USP15: variants seen among roughly 807,000 people sequenced by gnomAD.
USP15 encodes ubiquitin carboxyl-terminal hydrolase 15.
Under a neutral mutation model 127.1 loss-of-function variants are expected in USP15, and 18 were observed. The ratio of observed to expected loss-of-function variants is 0.14; its 90% CI spans 0.10 to 0.21. USP15 has a LOEUF of 0.21. Among genes scored for constraint, USP15 ranks in the 10% least tolerant of loss-of-function variants. The pLI is 1.00. For synonymous variants in USP15, 364 were observed against 393.7 expected, an observed-to-expected ratio of 0.92 and a Z score of 0.89; for missense variants, 805 against 1,159.9, an observed-to-expected ratio of 0.69 and a Z score of 4.44.
At position 62,292,940 on chromosome 12, in the gene USP15, G is replaced by GT. The variant is rs141013402; in HGVS notation, c.90-1238dup. 2.4e-3 allele frequency among the ~76,000 whole-genome samples: 366 copies of GT among 152,306 alleles called. 2 individuals carry two copies. The highest frequency in any genetic ancestry group is 8.5e-3 in the African/African-American group (354 of 41,560). ...GAATGTCAGCAAGAGCTCCCAGGATGTGGAAGCACAAGGGCTGAGGTTCCC... is the reference window on the plus strand; with the variant it reads ...GAATGTCAGCAAGAGCTCCCAGGATGTTGGAAGCACAAGGGCTGAGGTTCCC... On this transcript the variant is annotated intron_variant, in intron 1 of 21. Coordinates refer to ENST00000280377, the MANE Select transcript of USP15 (RefSeq NM_001252078.2).
intron 19 of USP15, 96 bp from the exon 20 acceptor site, chr12:62,396,197 GAT>G: frequency 4.2e-6 from 3 of 712,230 alleles, no homozygotes; most frequent in Non-Finnish European, 4.4e-6. Flanking sequence ...GATAGATATA[GAT>G]ATATATATGT....
rs1172572813 is a variant in USP15, at chr12:62,410,565, ACAT to A, written c.*6194_*6196del. On this transcript the variant is annotated 3_prime_UTR_variant, in exon 22 of 22. Transcript: ENST00000280377. ...GTAATACTGCAAATTCAAACAGTAAACATCATTAATCCTAGATATTTGGGTACT... is the reference window on the plus strand; with the variant it reads ...GTAATACTGCAAATTCAAACAGTAAACATTAATCCTAGATATTTGGGTACT... The A allele has an allele frequency of 6.6e-6, 1 of 152,146 alleles. No individual in the cohort carries two copies. The highest frequency in any genetic ancestry group is 1.5e-5 in the Non-Finnish European group (1 of 68,028). 9.4% of individuals were successfully genotyped at this position (152,146 alleles called of 1,614,324 possible).
chr12:62,262,578 G>GT (rs1565795386), intron 1 of USP15, among the ~76,000 whole-genome samples: 1 of 152,064 alleles, frequency 6.6e-6, no homozygotes, highest in African/African-American at 2.4e-5. Flanking sequence ...CATTGTGGGC[G>GT]TTTAACTTTA....
chr12:62,279,765 TATA>T (rs1377440170), intron 1 of USP15, among the ~76,000 whole-genome samples: 2 of 152,308 alleles, frequency 1.3e-5, no homozygotes, highest in African/African-American at 2.4e-5. Context: ...CGACTGCATG[TATA>T]ATAAGATAGA....
intron 2 of USP15, chr12:62,294,612 T>C (rs901256930): frequency 2.7e-5 from 5 of 183,914 alleles, no homozygotes; most frequent in Non-Finnish European, 5.6e-5. Flanking sequence ...AATGATTATT[T>C]ATTACTAAAT....
At chr12:62,286,255 A>C (rs968176739) in intron 1 of USP15, among the ~76,000 whole-genome samples, 1 of 152,160 alleles carries the variant, frequency 6.6e-6, no homozygotes, top group East Asian at 1.9e-4. Context: ...ACACATACAG[A>C]CAGCCAGCAA....
Position 62,355,567 on chromosome 12 carries a change from A to AT in USP15, c.915+93dup, listed in dbSNP as rs556145154. The stretch of plus-strand genomic sequence containing the variant: ...GGGTTTTTCATGCCAGAACATGAGT[A>AT]TATGTTTTGAAAGTTCATTTTTCAT... On this transcript the variant is annotated intron_variant, in intron 8 of 21. Coordinates refer to ENST00000280377, the MANE Select transcript of USP15 (RefSeq NM_001252078.2). The AT allele has an allele frequency of 1.0e-4, 142 of 1,367,348 alleles. 1 individual carries two copies. The highest frequency in any genetic ancestry group is 5.9e-5 in the Non-Finnish European group (60 of 1,020,124). 84.7% of individuals were successfully genotyped at this position (1,367,348 alleles called of 1,614,324 possible). A position where few individuals can be genotyped will look rare whatever the true frequency, so the allele number is the denominator to read the frequency against.
At chr12:62,335,827 G>C in intron 6 of USP15, 6 of 985,240 alleles carry the variant, frequency 6.1e-6, no homozygotes, top group Non-Finnish European at 7.2e-6. Flanking sequence ...TATTTGACCT[G>C]TCTTTAGTAT....
At chr12:62,276,058 A>C (rs1285020485) in intron 1 of USP15, among the ~76,000 whole-genome samples, 1 of 152,144 alleles carries the variant, frequency 6.6e-6, no homozygotes, top group Non-Finnish European at 1.5e-5. Context: ...TAACATTATG[A>C]TAAAAATAAT....
At chr12:62,390,796 A>G (rs573741791) in intron 14 of USP15, 68 bp from the exon 15 acceptor site, 225 of 1,167,328 alleles carry the variant, frequency 1.9e-4, no homozygotes, top group Admixed American at 5.6e-4. Context: ...TTACTGATAG[A>G]AGGAAAACTT....
At chr12:62,324,807 G>A (rs1300899405) in intron 5 of USP15, among the ~76,000 whole-genome samples, 1 of 151,704 alleles carries the variant, frequency 6.6e-6, no homozygotes, top group Non-Finnish European at 1.5e-5. Flanking sequence ...CATATACTCT[G>A]AAACATGCTT....
At chr12:62,275,064 G>A (rs767159148) in intron 1 of USP15, among the ~76,000 whole-genome samples, 10 of 152,082 alleles carry the variant, frequency 6.6e-5, no homozygotes, top group Non-Finnish European at 1.5e-4. Context: ...TTATGGAGCG[G>A]GGAATATAGG....
At chr12:62,300,817 G>A (rs964264072) in intron 2 of USP15, among the ~76,000 whole-genome samples, 3 of 152,120 alleles carry the variant, frequency 2.0e-5, no homozygotes, top group African/African-American at 7.2e-5. Flanking sequence ...TCTTTGCGAT[G>A]TTGTATTAGC....
intron 8 of USP15, among the ~76,000 whole-genome samples, chr12:62,371,875 T>A (rs1195667193): frequency 6.6e-6 from 1 of 152,282 alleles, no homozygotes; most frequent in Non-Finnish European, 1.5e-5. Flanking sequence ...GGTTTGTATA[T>A]TAGCTCTGCA....
At chr12:62,314,649 T>G in intron 3 of USP15, 141 bp from the exon 4 acceptor site, 1 of 779,910 alleles carries the variant, frequency 1.3e-6, no homozygotes, top group South Asian at 4.8e-5. Flanking sequence ...ATATCTTTTT[T>G]TATATATATT....
chr12:62,292,091 G>A (rs936009315), intron 1 of USP15, among the ~76,000 whole-genome samples: 2 of 145,606 alleles, frequency 1.4e-5, no homozygotes, highest in African/African-American at 5.0e-5. Context: ...GGGGAGAGGG[G>A]AGTCATTGGG....
At chr12:62,327,697 A>G (rs1195262264) in intron 6 of USP15, 1 of 432,982 alleles carries the variant, frequency 2.3e-6, no homozygotes, top group Non-Finnish European at 4.5e-6. Flanking sequence ...CAACTTTAGT[A>G]CTTGGCTTTG....
chr12:62,390,548 A>T (rs1490873161), intron 14 of USP15, among the ~76,000 whole-genome samples: 1 of 152,150 alleles, frequency 6.6e-6, no homozygotes, highest in Non-Finnish European at 1.5e-5. Flanking sequence ...CCCATATATA[A>T]AGATCACATT....
At chr12:62,325,722 G>A (rs562090283) in intron 5 of USP15, 150 bp from the exon 6 acceptor site, 11 of 543,072 alleles carry the variant, frequency 2.0e-5, no homozygotes, top group Admixed American at 3.7e-5. Flanking sequence ...CTTTGGAATC[G>A]AAATGCAGAT....
Sources: allele counts gnomAD v4.1 joint callset (sites outside exome capture counted in the v4.1 genomes callset), GRCh38; gene constraint gnomAD v4.1.1; transcripts MANE v1.5; gene names NCBI Gene and HGNC (gene_info 2026-07-23, HGNC 2026-07-21).